Variants in OGDHL observed in about 807,000 individuals in gnomAD.
The protein encoded by OGDHL is oxoglutarate dehydrogenase L, also known as 2-oxoglutarate dehydrogenase-like, mitochondrial.
In OGDHL, 79 loss-of-function variants were observed where a neutral mutation model predicts 109.6. The ratio of observed to expected loss-of-function variants is 0.72; its 90% CI spans 0.60 to 0.87. OGDHL has a LOEUF of 0.87. Ranked by LOEUF, OGDHL falls within the 40% of genes least tolerant of loss-of-function variation. The probability of loss-of-function intolerance (pLI) is 0.00; values close to 1 mark genes in which losing one functional copy is unlikely to be tolerated. For synonymous variants in OGDHL, 528 were observed against 537.2 expected (o/e 0.98, Z 0.24); for missense variants, 1,275 against 1,362.2 (o/e 0.94, Z 1.01).
chr10:49,737,392 G>A (rs1255841686), intron 20 of OGDHL, among the ~76,000 whole-genome samples: 1 of 152,144 alleles, frequency 6.6e-6, no homozygotes, highest in East Asian at 1.9e-4. Flanking sequence ...GACTCCCAGG[G>A]AAATAAGGCC....
At position 49,758,375 on chromosome 10, in the gene OGDHL, G is replaced by T; in HGVS notation, c.204+14C>A. 6.2e-7 allele frequency: 1 copy of T among 1,600,516 alleles called. No homozygotes were observed. The highest frequency in any genetic ancestry group is 1.3e-5 in the African/African-American group (1 of 74,912). On this transcript the variant is annotated intron_variant, in intron 2 of 22. Transcript: ENST00000374103. The stretch of plus-strand genomic sequence containing the variant: ...CTCCCTTGCGGTGGCCCAGGGTAGG[G>T]TGGGGATGCTGACCTTGTGGACACT...
At chr10:49,749,855 C>A in intron 7 of OGDHL, 39 bp from the exon 8 acceptor site, 1 of 1,538,494 alleles carries the variant, frequency 6.5e-7, no homozygotes, top group Non-Finnish European at 8.8e-7. Context: ...TGGCAAAGCC[C>A]GCAGGCCTCA....
chr10:49,750,817 C>A, intron 7 of OGDHL, 22 bp downstream of exon 7: 1 of 1,597,244 alleles, frequency 6.3e-7, no homozygotes, highest in Non-Finnish European at 8.5e-7. Flanking sequence ...ATGCGCAAGG[C>A]ACAGCAGGGA....
intron 15 of OGDHL, among the ~76,000 whole-genome samples, chr10:49,742,198 C>T (rs1402710579): frequency 7.4e-6 from 1 of 135,956 alleles, no homozygotes; most frequent in Non-Finnish European, 1.6e-5. Flanking sequence ...ACACACCCCA[C>T]ACACATACGC....
intron 14 of OGDHL, chr10:49,743,791 T>TC: frequency 1.8e-6 from 1 of 546,148 alleles, no homozygotes. Context: ...GTGTGGCATC[T>TC]GGAGCTGCCC....
intron 1 of OGDHL, among the ~76,000 whole-genome samples, chr10:49,759,250 G>A (rs1054265697): frequency 2.0e-5 from 3 of 152,028 alleles, no homozygotes; most frequent in Non-Finnish European, 4.4e-5. Flanking sequence ...GTGACACTAG[G>A]CCCAACAATA....
intron 1 of OGDHL, 40 bp from the exon 2 acceptor site, chr10:49,758,633 C>A: frequency 2.5e-6 from 4 of 1,598,120 alleles, no homozygotes; most frequent in Non-Finnish European, 3.4e-6. Context: ...AATGGCAGGA[C>A]CAAGACAGGA....
chr10:49,743,803 G>T, intron 14 of OGDHL, 191 bp downstream of exon 14: 1 of 602,932 alleles, frequency 1.7e-6, no homozygotes, highest in Non-Finnish European at 2.7e-6. Context: ...GAGCTGCCCA[G>T]CTCGCCACGC....
At chr10:49,754,336 T>G (rs1230862297) in intron 3 of OGDHL, among the ~76,000 whole-genome samples, 1 of 152,240 alleles carries the variant, frequency 6.6e-6, no homozygotes. Context: ...TATGTTTATA[T>G]TCATGCATTC....
At chr10:49,744,967 A>C (rs890828545) in intron 12 of OGDHL, among the ~76,000 whole-genome samples, 1 of 152,228 alleles carries the variant, frequency 6.6e-6, no homozygotes, top group African/African-American at 2.4e-5. Flanking sequence ...CAGTGCGCTC[A>C]GCAAGGGGCT....
At chr10:49,761,580 AG>A (rs1843283664) in intron 1 of OGDHL, among the ~76,000 whole-genome samples, 1 of 152,146 alleles carries the variant, frequency 6.6e-6, no homozygotes, top group African/African-American at 2.4e-5. Context: ...GACACTGGGG[AG>A]GGGCTGCTAG....
chr10:49,738,082 C>G lies in OGDHL; in HGVS notation c.2392-10G>C. On this transcript the variant is annotated splice_polypyrimidine_tract_variant and intron_variant, in intron 18 of 22. Transcript: ENST00000374103. ...AGTCCTTGGTGAATGCCTGTGGGGA[C>G]GAGATGCATATGGCCAGGGTGGCTG... 6.2e-7 allele frequency: 1 copy of G among 1,614,086 alleles called. No individual in the cohort carries two copies. The highest frequency in any genetic ancestry group is 8.5e-7 in the Non-Finnish European group (1 of 1,180,006).
rs773163751 is a variant in OGDHL at position 49,756,955 on chromosome 10, G to A, written c.205-9C>T. The stretch of plus-strand genomic sequence containing the variant: ...AAGAAGCTGTCCCAGGACTAGGCAG[G>A]GCAGAAACAAGAACGCAGCCAGGTC... On this transcript the variant is annotated splice_polypyrimidine_tract_variant and intron_variant, in intron 2 of 22. Coordinates refer to ENST00000374103, the MANE Select transcript of OGDHL (RefSeq NM_018245.3). The A allele has an allele frequency of 1.9e-5, 30 of 1,609,196 alleles. No homozygotes were observed. Among genetic ancestry groups the A allele is most frequent in the Non-Finnish European group, 2.5e-5 (29 of 1,177,208 alleles).
chr10:49,744,095 T>C lies in OGDHL; in HGVS notation c.1760A>G (p.Lys587Arg). 1.2e-6 allele frequency: 2 copies of C among 1,613,948 alleles called. No homozygotes were observed. Among genetic ancestry groups the C allele is most frequent in the Non-Finnish European group, 1.7e-6 (2 of 1,179,894 alleles). The part of the protein sequence containing the change: ...PGFFNVDGEP[K>R]SMTCPATGIP... ...CCCCGTGGCTGGGCATGTCATGCTC[T>C]TGGGCTCCCCATCTACGTTGAAGAA... The change falls in exon 14 of 23, where the codon AAG becomes AGG. Residue 587 changes from lysine to arginine, a missense_variant. Transcript: ENST00000374103.
chr10:49,744,566 C>T, intron 13 of OGDHL, 84 bp downstream of exon 13: 1 of 1,081,394 alleles, frequency 9.2e-7, no homozygotes, highest in Non-Finnish European at 1.4e-6. Flanking sequence ...TGACAGCTGT[C>T]ACCCAGGGCC....
intron 8 of OGDHL, among the ~76,000 whole-genome samples, chr10:49,748,527 A>G (rs1842355917): frequency 6.6e-6 from 1 of 152,170 alleles, no homozygotes; most frequent in South Asian, 2.1e-4. Context: ...TTTCTTTTTC[A>G]GTTGAAAAAA....
intron 11 of OGDHL, 126 bp from the exon 12 acceptor site, chr10:49,745,622 T>A: frequency 1.5e-6 from 2 of 1,334,648 alleles, no homozygotes; most frequent in Non-Finnish European, 1.0e-6. Flanking sequence ...CACTATCACC[T>A]ATCACCGAAT....
Position 49,740,743 on chromosome 10 carries a change from A to G in OGDHL, c.2107T>C (p.Cys703Arg). ...LWPDQAPYTVCNSSLSEYGVL... is the reference protein window; with the variant it reads ...LWPDQAPYTVRNSSLSEYGVL... ...CCGTACTCCGAGAGGGAGCTGTTGC[A>G]CACGGTGTACGGGGCCTGGTCAGGC... The change falls in exon 16 of 23, where the codon TGC (cysteine) becomes CGC (arginine). Residue 703 changes from cysteine to arginine, a missense_variant. Coordinates refer to ENST00000374103, the MANE Select transcript of OGDHL (RefSeq NM_018245.3). The G allele has an allele frequency of 6.2e-7, 1 of 1,613,866 alleles. No individual in the cohort carries two copies. Among genetic ancestry groups the G allele is most frequent in the African/African-American group, 1.3e-5 (1 of 75,046 alleles).
Position 49,739,814 on chromosome 10 carries a change from G to A in OGDHL, c.2166C>T (p.Ala722=). The change falls in exon 17 of 23, where the codon GCC becomes GCT. Residue 722 remains alanine, a synonymous_variant. Transcript: ENST00000374103. ...VLGFELGYAM[A]SPNALVLWEA... ...CCCAGAGGACCAGGGCATTGGGGCT[G>A]GCCATGGCATAGCCCAGCTCAAAGC... The A allele has an allele frequency of 6.2e-7, 1 of 1,614,064 alleles. No homozygotes were observed. Among genetic ancestry groups the A allele is most frequent in the Non-Finnish European group, 8.5e-7 (1 of 1,179,948 alleles).
Sources: gnomAD v4.1 joint callset for allele counts (sites outside exome capture counted in the v4.1 genomes callset) on GRCh38, gnomAD v4.1.1 for gene constraint, MANE v1.5 for transcripts, NCBI Gene and HGNC (gene_info 2026-07-23, HGNC 2026-07-21) for gene names.